PCDHGA2: variants seen among roughly 807,000 people sequenced by gnomAD.
The protein encoded by PCDHGA2 is protocadherin gamma-A2.
In PCDHGA2, 40 loss-of-function variants were observed where a neutral mutation model predicts 59.2. The observed-to-expected ratio is 0.68, with a 90% CI of 0.52 to 0.88. The LOEUF (loss-of-function observed/expected upper bound fraction) is 0.88. PCDHGA2 is among the 40% of genes least tolerant of loss of function. The probability of loss-of-function intolerance (pLI) is 0.00; values close to 1 mark genes in which losing one functional copy is unlikely to be tolerated. For missense variants in PCDHGA2, 1,226 were observed against 1,204.0 expected (o/e 1.02, Z -0.27); for synonymous variants, 560 against 526.0 (o/e 1.06, Z -0.89).
In PCDHGA2 at chr5:141,478,301, G is replaced by C. The variant is rs778427815; in HGVS notation, c.2425-16506G>C. ...GAAGCAGTCTAGAGACCTATACCGA[G>C]CCCCGGTGAGCTCACTGTACCGAAC... On this transcript the variant is annotated intron_variant, in intron 1 of 3. Coordinates refer to ENST00000394576, the MANE Select transcript of PCDHGA2 (RefSeq NM_018915.4). 2.5e-6 allele frequency: 4 copies of C among 1,614,074 alleles called. No individual in the cohort carries two copies. In the South Asian group the frequency reaches 4.4e-5, roughly 18 times the overall value.
At chr5:141,505,852 G>A (rs2099848673) in intron 3 of PCDHGA2, among the ~76,000 whole-genome samples, 1 of 152,140 alleles carries the variant, frequency 6.6e-6, no homozygotes, top group African/African-American at 2.4e-5. Context: ...TAGAAAGTGG[G>A]GACAGGGACC....
intron 1 of PCDHGA2, chr5:141,399,868 G>A (rs1410554488): frequency 6.2e-7 from 1 of 1,612,710 alleles, no homozygotes; most frequent in African/African-American, 1.3e-5. Flanking sequence ...TGCAGAGCCC[G>A]GCTACCTGGT....
chr5:141,467,769 G>A (rs573567102), intron 1 of PCDHGA2, among the ~76,000 whole-genome samples: 9 of 151,590 alleles, frequency 5.9e-5, no homozygotes, highest in East Asian at 3.9e-4. Flanking sequence ...TCAAGTGCCC[G>A]CACCTCAGCC....
intron 1 of PCDHGA2, among the ~76,000 whole-genome samples, chr5:141,352,913 G>A (rs1445194604): frequency 2.6e-5 from 4 of 152,172 alleles, no homozygotes; most frequent in African/African-American, 7.2e-5. Context: ...GCTTGAGCCC[G>A]GGAGGTGGAG....
In PCDHGA2 at chr5:141,371,282, T is replaced by G. The variant is rs201701201; in HGVS notation, c.2424+29887T>G. On this transcript the variant is annotated intron_variant, in intron 1 of 3. Coordinates refer to ENST00000394576, the MANE Select transcript of PCDHGA2 (RefSeq NM_018915.4). ...TGAGACAACTGTTCAAGCTGGACAG[T>G]AAAACGGGGGAACTCACCACTATTG... 2.0e-4 allele frequency: 326 copies of G among 1,613,828 alleles called. 2 individuals are homozygous for G. The highest frequency in any genetic ancestry group is 4.9e-4 in the Middle Eastern group (3 of 6,084).
At position 141,379,353 on chromosome 5, in the gene PCDHGA2, T is replaced by A. The variant is rs536207884; in HGVS notation, c.2424+37958T>A. The A allele has an allele frequency of 1.4e-4, 22 of 152,338 alleles. No individual in the cohort carries two copies. In the South Asian group the frequency reaches 4.6e-3, roughly 32 times the overall value. 9.4% of individuals were successfully genotyped at this position (152,338 alleles called of 1,614,324 possible). A position where few individuals can be genotyped will look rare whatever the true frequency, so the allele number is the denominator to read the frequency against. The stretch of plus-strand genomic sequence containing the variant: ...CATCTTCAAAGCTCATTTTCTTGTA[T>A]CTTTGTGATATAATTTGATAAAATA... On this transcript the variant is annotated intron_variant, in intron 1 of 3. Coordinates refer to ENST00000394576, the MANE Select transcript of PCDHGA2 (RefSeq NM_018915.4).
chr5:141,374,636 G>A, intron 1 of PCDHGA2: 1 of 1,612,960 alleles, frequency 6.2e-7, no homozygotes, highest in Non-Finnish European at 8.5e-7. Flanking sequence ...CGTGCAAAGC[G>A]AAGCCCATGG....
intron 1 of PCDHGA2, among the ~76,000 whole-genome samples, chr5:141,353,530 G>T (rs1428262887): frequency 6.6e-6 from 1 of 151,992 alleles, no homozygotes; most frequent in East Asian, 1.9e-4. Context: ...TTTTATATTT[G>T]CATCACTAAC....
chr5:141,443,216 C>T (rs758242896), intron 1 of PCDHGA2, among the ~76,000 whole-genome samples: 3 of 151,908 alleles, frequency 2.0e-5, no homozygotes, highest in South Asian at 2.1e-4. Context: ...TCTCGCCAGG[C>T]GCATCTATAA....
intron 1 of PCDHGA2, chr5:141,355,505 G>T: frequency 6.2e-7 from 1 of 1,614,044 alleles, no homozygotes; most frequent in Non-Finnish European, 8.5e-7. Flanking sequence ...TCTCCAAACT[G>T]TGTGACAAAC....
chr5:141,384,337 G>A (rs370533196), intron 1 of PCDHGA2: 1 of 1,613,832 alleles, frequency 6.2e-7, no homozygotes, highest in Non-Finnish European at 8.5e-7. Flanking sequence ...ACAGGACCAC[G>A]ACAGTGAGGA....
chr5:141,347,139 CTT>C (rs1383225800), intron 1 of PCDHGA2, among the ~76,000 whole-genome samples: 10 of 89,090 alleles, frequency 1.1e-4, no homozygotes, highest in East Asian at 6.6e-4. Flanking sequence ...CTGTTTCTCT[CTT>C]TCTTTCTTTC....
chr5:141,364,809 C>G, intron 1 of PCDHGA2: 23 of 1,613,952 alleles, frequency 1.4e-5, no homozygotes, highest in Non-Finnish European at 1.9e-5. Flanking sequence ...GCGCGGGATG[C>G]GGATGTGGGT....
At chr5:141,398,989 T>G (rs766277028) in intron 1 of PCDHGA2, 2 of 1,613,796 alleles carry the variant, frequency 1.2e-6, no homozygotes, top group Non-Finnish European at 1.7e-6. Flanking sequence ...CGGGCAAATC[T>G]TTAGTCTGAA....
chr5:141,438,344 C>A (rs1591501799), intron 1 of PCDHGA2, among the ~76,000 whole-genome samples: 1 of 151,664 alleles, frequency 6.6e-6, no homozygotes, highest in African/African-American at 2.4e-5. Flanking sequence ...ATATAAGGAT[C>A]TACTCTGTGT....
intron 1 of PCDHGA2, chr5:141,364,463 G>C: frequency 6.2e-7 from 1 of 1,614,000 alleles, no homozygotes; most frequent in Admixed American, 1.7e-5. Context: ...AGGCTCCTTC[G>C]TCGGCAACAT....
In PCDHGA2 at chr5:141,410,593, G is replaced by C. The variant is rs921521742; in HGVS notation, c.2424+69198G>C. ...TTCCACCTCATGGTGGGGAGGATTT[G>C]ACTTCACATCCTGAGACTCTGACTT... On this transcript the variant is annotated intron_variant, in intron 1 of 3. Coordinates refer to ENST00000394576, the MANE Select transcript of PCDHGA2 (RefSeq NM_018915.4). The C allele has an allele frequency of 2.5e-6, 4 of 1,608,934 alleles. No individual in the cohort carries two copies. In the African/African-American group the frequency reaches 5.3e-5, roughly 21 times the overall value.
intron 1 of PCDHGA2, chr5:141,371,744 C>T: frequency 1.2e-6 from 2 of 1,614,040 alleles, no homozygotes; most frequent in East Asian, 2.2e-5. Flanking sequence ...ACAACGTTCC[C>T]GTTTTCCACC....
intron 1 of PCDHGA2, chr5:141,440,761 C>T (rs2098198732): frequency 6.6e-6 from 1 of 152,172 alleles, no homozygotes; most frequent in African/African-American, 2.4e-5. Context: ...GCAGAGCTCC[C>T]ATCCCTTAGT....
Sources: gnomAD v4.1 joint callset for allele counts (sites outside exome capture counted in the v4.1 genomes callset) on GRCh38, gnomAD v4.1.1 for gene constraint, MANE v1.5 for transcripts, NCBI Gene and HGNC (gene_info 2026-07-23, HGNC 2026-07-21) for gene names.